CELF2: variants seen among roughly 807,000 people sequenced by gnomAD.
The protein encoded by CELF2 is CUG triplet repeat RNA-binding protein 2.
CELF2 carries 8 observed loss-of-function variants against 62.6 expected under a neutral mutation model. The observed-to-expected ratio is 0.13, with a 90% CI of 0.07 to 0.23. The LOEUF (loss-of-function observed/expected upper bound fraction) is 0.23. Ranked by LOEUF, CELF2 falls within the 10% of genes least tolerant of loss-of-function variation. The probability of loss-of-function intolerance (pLI) is 1.00; values close to 1 mark genes in which losing one functional copy is unlikely to be tolerated. For synonymous variants in CELF2, 258 were observed against 250.0 expected, an observed-to-expected ratio of 1.03 and a Z score of -0.30; for missense variants, 333 against 671.0, an observed-to-expected ratio of 0.50 and a Z score of 5.56.
chr10:10,644,690 G>A, the CELF2 span, among the ~76,000 whole-genome samples: 9 of 152,100 alleles, frequency 5.9e-5, no homozygotes, highest in East Asian at 5.8e-4. Flanking sequence ...CTTTTCTGAC[G>A]TGGTTTGCTA....
At chr10:10,621,095 T>A in the CELF2 span, among the ~76,000 whole-genome samples, 1 of 144,518 alleles carries the variant, frequency 6.9e-6, no homozygotes, top group Non-Finnish European at 1.5e-5. Context: ...ATAATAATAA[T>A]TAGCCAGGCA....
chr10:10,774,095 C>T, the CELF2 span, among the ~76,000 whole-genome samples: 1 of 152,186 alleles, frequency 6.6e-6, no homozygotes, highest in Non-Finnish European at 1.5e-5. Context: ...ATTTATGCTG[C>T]CTGGTAACTT....
the CELF2 span, among the ~76,000 whole-genome samples, chr10:10,593,444 G>A: frequency 2.6e-5 from 4 of 152,178 alleles, no homozygotes; most frequent in East Asian, 7.7e-4. Flanking sequence ...AGATCCATGA[G>A]TATGCAAACC....
At chr10:10,563,357 T>C in the CELF2 span, among the ~76,000 whole-genome samples, 1 of 152,010 alleles carries the variant, frequency 6.6e-6, no homozygotes, top group Non-Finnish European at 1.5e-5. Flanking sequence ...CCACCTCTAA[T>C]CCCAGCACTT....
rs2055844413 is a variant in CELF2 at position 11,008,956 on chromosome 10, A to C, written c.53+3516A>C. Reference sequence around the variant, plus strand: ...AATGCCTTCTTGGGTCACCTTTATTAGCCTTCACTGAATTTCTTTGCATAT... The same window carrying C: ...AATGCCTTCTTGGGTCACCTTTATTCGCCTTCACTGAATTTCTTTGCATAT... On this transcript the variant is annotated intron_variant, in intron 1 of 12. Transcript: ENST00000416382. The surrounding 1 kb of genome is among the most constrained non-coding windows in gnomAD (Gnocchi z 4.5). Among the ~76,000 whole-genome samples the C allele has an allele frequency of 8.3e-6, 1 of 120,872 alleles. No homozygotes were observed. Among genetic ancestry groups the C allele is most frequent in the African/African-American group, 3.0e-5 (1 of 33,442 alleles). The allele number at this position is 120,872 out of a possible 152,430, so 79.3% of individuals were successfully genotyped here.
rs943714604 is a variant in CELF2 at position 10,894,688 on chromosome 10, A to C, written c.54-25276A>C. On this transcript the variant is annotated intron_variant, in intron 1 of 13. Transcript: ENST00000636488. ...TAAAATGTGCCACCTGAAAGAAAAA[A>C]AAATGAATTGAGCATAGGAAGCCTG... 2.6e-5 allele frequency among the ~76,000 whole-genome samples: 4 copies of C among 152,330 alleles called. No homozygotes were observed. The East Asian group carries it at 7.7e-4, about 29-fold the overall frequency.
intron 12 of CELF2, among the ~76,000 whole-genome samples, chr10:11,327,120 C>T (rs2095786295): frequency 7.4e-6 from 1 of 135,974 alleles, no homozygotes; most frequent in African/African-American, 2.7e-5. Context: ...GGGACCCATT[C>T]GGCGGCTGCT....
At position 11,270,033 on chromosome 10, in the gene CELF2, G is replaced by GC. The variant is rs1324749660; in HGVS notation, c.619-631dup. On this transcript the variant is annotated intron_variant, in intron 6 of 12. Coordinates refer to ENST00000633077, the MANE Select transcript of CELF2 (RefSeq NM_001326342.2). The surrounding 1 kb of genome is among the most constrained non-coding windows in gnomAD (Gnocchi z 5.8). The stretch of plus-strand genomic sequence containing the variant: ...TAGCACAGGTGTGCTGAGGGAAGAG[G>GC]CCTCTCTGAAAACGTGAACGGTTAC... 6.6e-6 allele frequency among the ~76,000 whole-genome samples: 1 copy of GC among 152,150 alleles called. No homozygotes were observed. Among genetic ancestry groups the GC allele is most frequent in the Non-Finnish European group, 1.5e-5 (1 of 68,032 alleles).
the CELF2 span, among the ~76,000 whole-genome samples, chr10:10,488,039 A>G: frequency 6.6e-6 from 1 of 152,144 alleles, no homozygotes; most frequent in Non-Finnish European, 1.5e-5. Flanking sequence ...GCTAATTTCA[A>G]CAGTTCATGA....
chr10:11,148,660 C>A (rs143429364), intron 1 of CELF2, among the ~76,000 whole-genome samples: 1 of 152,140 alleles, frequency 6.6e-6, no homozygotes, highest in African/African-American at 2.4e-5. Context: ...ATTAAGGACC[C>A]ATTTAGAGTA....
At chr10:11,097,363 A>G (rs1177470263) in intron 1 of CELF2, 1 of 152,248 alleles carries the variant, frequency 6.6e-6, no homozygotes, top group Non-Finnish European at 1.5e-5. Flanking sequence ...CACTTTGTCC[A>G]GTCTTCTTAG....
At chr10:11,026,234 G>A (rs1195987935) in intron 1 of CELF2, among the ~76,000 whole-genome samples, 5 of 152,186 alleles carry the variant, frequency 3.3e-5, no homozygotes, top group African/African-American at 9.7e-5. Context: ...ACCTGTTGCT[G>A]TTGAAAGGGG....
intron 1 of CELF2, among the ~76,000 whole-genome samples, chr10:11,128,322 C>A (rs2059059950): frequency 6.6e-6 from 1 of 152,174 alleles, no homozygotes; most frequent in Non-Finnish European, 1.5e-5. Flanking sequence ...TGTGATGCCT[C>A]CAGCTTTGTT....
chr10:11,113,925 A>C (rs1200215445), intron 1 of CELF2, among the ~76,000 whole-genome samples: 1 of 152,148 alleles, frequency 6.6e-6, no homozygotes, highest in Non-Finnish European at 1.5e-5. Flanking sequence ...GCTGTCAGAA[A>C]ATGTGCTGGC....
At chr10:10,660,373 AT>A in the CELF2 span, among the ~76,000 whole-genome samples, 1 of 152,216 alleles carries the variant, frequency 6.6e-6, no homozygotes, top group Non-Finnish European at 1.5e-5. Flanking sequence ...AAAGGTCTTA[AT>A]TTTGGTTTAC....
At position 10,997,474 on chromosome 10, in the gene CELF2, T is replaced by C. The variant is rs2054079048; in HGVS notation, c.89+77475T>C. Among the ~76,000 whole-genome samples, 1 of 152,176 alleles carries C rather than the reference T, an allele frequency of 6.6e-6. No individual in the cohort carries two copies. Among genetic ancestry groups the C allele is most frequent in the African/African-American group, 2.4e-5 (1 of 41,424 alleles). On this transcript the variant is annotated intron_variant, in intron 2 of 13. Coordinates refer to the CELF2 transcript ENST00000636488. The surrounding 1 kb of genome is among the most constrained non-coding windows in gnomAD (Gnocchi z 5.3). ...TGATGCACTCCACTGTGGTCTTTATTAAGCTTGTGTGGTTTACTTCTTAGG... is the reference window on the plus strand; with the variant it reads ...TGATGCACTCCACTGTGGTCTTTATCAAGCTTGTGTGGTTTACTTCTTAGG...
At chr10:10,750,622 A>C in the CELF2 span, among the ~76,000 whole-genome samples, 3 of 152,258 alleles carry the variant, frequency 2.0e-5, no homozygotes, top group South Asian at 6.2e-4. Flanking sequence ...GAATTGAAAA[A>C]ATTTAACAAA....
intron 1 of CELF2, among the ~76,000 whole-genome samples, chr10:11,025,239 G>GTGTATGTATATATATA (rs61580670): frequency 1.4e-5 from 2 of 140,998 alleles, no homozygotes; most frequent in Non-Finnish European, 3.1e-5. Flanking sequence ...GTGTGTGTGT[G>GTGTATGTATATATATA]TATATGTATG....
chr10:10,757,294 C>CAA, the CELF2 span, among the ~76,000 whole-genome samples: 27 of 150,862 alleles, frequency 1.8e-4, no homozygotes, highest in African/African-American at 6.3e-4. Context: ...CCCTTCTCTA[C>CAA]AAAAAAATAA....
Sources: gnomAD v4.1 joint callset for allele counts (sites outside exome capture counted in the v4.1 genomes callset) on GRCh38, gnomAD v4.1.1 for gene constraint, Gnocchi (gnomAD v3.1) non-coding constraint, MANE v1.5 for transcripts, NCBI Gene and HGNC (gene_info 2026-07-23, HGNC 2026-07-21) for gene names.